ACAN: variants seen among roughly 807,000 people sequenced by gnomAD.
ACAN encodes the protein aggrecan.
A neutral mutation model predicts 169.1 loss-of-function variants in ACAN; 47 were observed. The observed-to-expected ratio is 0.28, with a 90% CI of 0.22 to 0.35. The LOEUF (loss-of-function observed/expected upper bound fraction) is 0.35. Among genes scored for constraint, ACAN ranks in the 10% least tolerant of loss-of-function variants. The pLI is 1.00. For missense variants in ACAN, 2,716 were observed against 2,759.9 expected, an observed-to-expected ratio of 0.98 and a Z score of 0.36; for synonymous variants, 1,115 against 1,112.2, an observed-to-expected ratio of 1.00 and a Z score of -0.05.
At position 88,871,917 on chromosome 15, in the gene ACAN, C is replaced by A; in HGVS notation, c.7220-86C>A. ...AGCCCACCCACCTCCTTTCCTCCTC[C>A]ATCCCCTCTGCCTCCGTGAGCTCAA... On this transcript the variant is annotated intron_variant, in intron 15 of 18. Transcript: ENST00000560601. This position sits in a 1 kb window ranked among gnomAD's most constrained non-coding sequence, Gnocchi z 7.8. 2 of 1,222,000 alleles carry A rather than the reference C, an allele frequency of 1.6e-6. No homozygotes were observed. Among genetic ancestry groups the A allele is most frequent in the South Asian group, 1.2e-5 (1 of 83,090 alleles). The allele number at this position is 1,222,000 out of a possible 1,614,324, so 75.7% of individuals were successfully genotyped here.
Position 88,866,117 on chromosome 15 carries a change from A to C in ACAN, c.6947-2099A>C, listed in dbSNP as rs1462610714. ...GAAAGCAACGCTCCCCCTCACCCCA[A>C]CTTGGGCAGCCTGGGAGCAGGTTTT... On this transcript the variant is annotated intron_variant, in intron 13 of 18. Coordinates refer to ENST00000560601, the MANE Select transcript of ACAN (RefSeq NM_001369268.1). This position sits in a 1 kb window ranked among gnomAD's most constrained non-coding sequence, Gnocchi z 5.6. 6.6e-6 allele frequency among the ~76,000 whole-genome samples: 1 copy of C among 151,880 alleles called. No individual in the cohort carries two copies. The highest frequency in any genetic ancestry group is 1.5e-5 in the Non-Finnish European group (1 of 67,966).
intron 1 of ACAN, among the ~76,000 whole-genome samples, chr15:88,805,456 C>A (rs1357865080): frequency 1.3e-5 from 2 of 152,230 alleles, no homozygotes; most frequent in African/African-American, 2.4e-5. Flanking sequence ...GAAGATATCT[C>A]TTGGAGAGAT....
Position 88,841,786 on chromosome 15 carries a change from G to A in ACAN, c.676G>A (p.Glu226Lys), listed in dbSNP as rs749403999. ...PREGCYGDKDEFPGVRTYGIR... is the reference protein window; with the variant it reads ...PREGCYGDKDKFPGVRTYGIR... ...GGAAGGCTGCTATGGAGACAAGGATGAGTTTCCTGGTGTGAGGACGTATGG... is the reference window on the plus strand; with the variant it reads ...GGAAGGCTGCTATGGAGACAAGGATAAGTTTCCTGGTGTGAGGACGTATGG... Residue 226 changes from glutamate to lysine, a missense_variant, in exon 5 of 19, where the codon GAG (glutamate) becomes AAG (lysine). Physicochemically the swap from Glu to Lys is moderately conservative, Grantham distance 56. Transcript: ENST00000560601. 6.8e-6 allele frequency: 11 copies of A among 1,613,558 alleles called. No individual in the cohort carries two copies. In the East Asian group the frequency reaches 2.2e-4, roughly 33 times the overall value.
rs540020820 is a variant in ACAN at position 88,835,790 on chromosome 15, A to G, written c.-7-410A>G. ...AGACCCTCCCACATTAGGGAGGACCATCTGCTTTATTCAATCTACCAATTC... is the reference window on the plus strand; with the variant it reads ...AGACCCTCCCACATTAGGGAGGACCGTCTGCTTTATTCAATCTACCAATTC... On this transcript the variant is annotated intron_variant, in intron 1 of 18. Transcript: ENST00000560601. Among the ~76,000 whole-genome samples the G allele has an allele frequency of 7.4e-4, 113 of 152,312 alleles. 5 individuals are homozygous for G. The South Asian group carries it at 0.022, about 30-fold the overall frequency.
intron 1 of ACAN, among the ~76,000 whole-genome samples, chr15:88,815,656 TAAAAAAAAAAA>T (rs58267198): frequency 1.8e-5 from 1 of 54,182 alleles, no homozygotes; most frequent in East Asian, 6.3e-4. Context: ...CTGCACTGAT[TAAAAAAAAAAA>T]AAAAAAAAAA....
intron 5 of ACAN, among the ~76,000 whole-genome samples, chr15:88,842,433 C>A (rs966360345): frequency 3.9e-5 from 6 of 152,140 alleles, no homozygotes; most frequent in African/African-American, 1.4e-4. Context: ...GTGGATGACA[C>A]CCTTTCCCCC....
In ACAN at chr15:88,838,377, G is replaced by C. The variant is rs1896558728; in HGVS notation, c.71-286G>C. On this transcript the variant is annotated intron_variant, in intron 2 of 18. Coordinates refer to ENST00000560601, the MANE Select transcript of ACAN (RefSeq NM_001369268.1). This position sits in a 1 kb window ranked among gnomAD's most constrained non-coding sequence, Gnocchi z 5.1. ...GTTTGAGAAACAGGGAGTTGGTCCT[G>C]ACTCTGACGTCTCCCCTCCCTCCTC... 6.6e-6 allele frequency among the ~76,000 whole-genome samples: 1 copy of C among 152,088 alleles called. No homozygotes were observed. Among genetic ancestry groups the C allele is most frequent in the African/African-American group, 2.4e-5 (1 of 41,410 alleles).
Position 88,869,838 on chromosome 15 carries a change from CTCTTTCAGTCTGGAAT to C in ACAN, c.7060+1511_7060+1526del, listed in dbSNP as rs1187289875. 6.6e-6 allele frequency among the ~76,000 whole-genome samples: 1 copy of C among 152,126 alleles called. No homozygotes were observed. Among genetic ancestry groups the C allele is most frequent in the Non-Finnish European group, 1.5e-5 (1 of 68,018 alleles). ...CCTGCCTTGGCTCTGTCCCTGTTACCTCTTTCAGTCTGGAATTGTTTCTGTTTCCTAAGAATCTTCA... is the reference window on the plus strand; with the variant it reads ...CCTGCCTTGGCTCTGTCCCTGTTACCTGTTTCTGTTTCCTAAGAATCTTCA... On this transcript the variant is annotated intron_variant, in intron 14 of 18. Transcript: ENST00000560601. The surrounding 1 kb of genome is among the most constrained non-coding windows in gnomAD (Gnocchi z 4.2).
Position 88,872,957 on chromosome 15 carries a change from A to T in ACAN, c.7379A>T (p.His2460Leu). The change falls in exon 17 of 19, where the codon CAC becomes CTC. Residue 2460 changes from histidine to leucine, a missense_variant. By Grantham distance (99) the His-to-Leu change is moderately conservative. Transcript: ENST00000560601. This position sits in a 1 kb window ranked among gnomAD's most constrained non-coding sequence, Gnocchi z 5.4. ...GAGGACTGTGTGGTGATGATCTGGC[A>T]CGAGAAGGGCGAGTGGAATGATGTT... is the stretch of plus-strand genomic sequence containing the variant. ...AGEDCVVMIW[H>L]EKGEWNDVPC... is the part of the protein sequence containing the mutation. 1 of 1,613,908 alleles carries T rather than the reference A, an allele frequency of 6.2e-7. No homozygotes were observed. The highest frequency in any genetic ancestry group is 8.5e-7 in the Non-Finnish European group (1 of 1,179,906).
chr15:88,825,838 C>T (rs1165760601), intron 1 of ACAN, among the ~76,000 whole-genome samples: 1 of 152,216 alleles, frequency 6.6e-6, no homozygotes, highest in African/African-American at 2.4e-5. Flanking sequence ...GCAGAACCTT[C>T]ACCTAAAAGC....
chr15:88,854,753 T>G, intron 11 of ACAN, 99 bp from the exon 12 acceptor site: 1 of 1,296,884 alleles, frequency 7.7e-7, no homozygotes, highest in Non-Finnish European at 9.9e-7. Flanking sequence ...AGAGAAAAAT[T>G]TTACTGTGGA....
Position 88,873,772 on chromosome 15 carries a change from G to A in ACAN, c.7448-70G>A, listed in dbSNP as rs971824520. The A allele has an allele frequency of 3.0e-5, 45 of 1,521,744 alleles. No individual in the cohort carries two copies. In the African/African-American group the frequency reaches 4.5e-4, roughly 15 times the overall value. The allele number at this position is 1,521,744 out of a possible 1,614,324, so 94.3% of individuals were successfully genotyped here. A position where few individuals can be genotyped will look rare whatever the true frequency, so the allele number is the denominator to read the frequency against. ...GAGGCTGTGTCCCCCACAGTGCCTC[G>A]GGTCACAACCAGCATAGGTCATCCC... On this transcript the variant is annotated intron_variant, in intron 17 of 18. Transcript: ENST00000560601. This position sits in a 1 kb window ranked among gnomAD's most constrained non-coding sequence, Gnocchi z 7.5.
Position 88,874,483 on chromosome 15 carries a change from A to G in ACAN, c.*2A>G. Reference sequence around the variant, plus strand: ...AGCCGCCCCAGCACAGCCCACTGAGAAGAGCTTCCAGGACGCACCCAGGAC... The same window carrying G: ...AGCCGCCCCAGCACAGCCCACTGAGGAGAGCTTCCAGGACGCACCCAGGAC... On this transcript the variant is annotated 3_prime_UTR_variant, in exon 19 of 19. Coordinates refer to ENST00000560601, the MANE Select transcript of ACAN (RefSeq NM_001369268.1). This position sits in a 1 kb window ranked among gnomAD's most constrained non-coding sequence, Gnocchi z 7.3. 6.3e-7 allele frequency: 1 copy of G among 1,597,932 alleles called. No homozygotes were observed. The highest frequency in any genetic ancestry group is 8.5e-7 in the Non-Finnish European group (1 of 1,172,704).
Position 88,874,439 on chromosome 15 carries a change from C to T in ACAN, c.7665C>T (p.Ser2555=). The T allele has an allele frequency of 6.2e-7, 1 of 1,607,676 alleles. No homozygotes were observed. The highest frequency in any genetic ancestry group is 8.5e-7 in the Non-Finnish European group (1 of 1,177,460). The change falls in exon 19 of 19, where the codon AGC becomes AGT. Residue 2555 remains serine, a synonymous_variant. Transcript: ENST00000560601. The surrounding 1 kb of genome is among the most constrained non-coding windows in gnomAD (Gnocchi z 7.3). The part of the protein sequence containing the change: ...TTYKRRLQKR[S]SRHPRRSRPS... ...ACAAACGCAGACTACAGAAGCGGAGCTCACGGCACCCTCGGAGGAGCCGCC... is the reference window on the plus strand; with the variant it reads ...ACAAACGCAGACTACAGAAGCGGAGTTCACGGCACCCTCGGAGGAGCCGCC...
chr15:88,823,223 C>G (rs1473569836), intron 1 of ACAN, among the ~76,000 whole-genome samples: 1 of 152,198 alleles, frequency 6.6e-6, no homozygotes, highest in African/African-American at 2.4e-5. Flanking sequence ...GCCCAAGATC[C>G]CTGCCCAGGA....
At chr15:88,833,009 TAGGCGTCCACCC>T (rs927665157) in intron 1 of ACAN, among the ~76,000 whole-genome samples, 3 of 152,200 alleles carry the variant, frequency 2.0e-5, no homozygotes, top group African/African-American at 7.2e-5. Context: ...TATTAAGCAG[TAGGCGTCCACCC>T]ACGTCGAGGA....
rs1452519496 is a variant in ACAN, at chr15:88,868,167, G to A, written c.6947-49G>A. 4.3e-6 allele frequency: 3 copies of A among 690,562 alleles called. No individual in the cohort carries two copies. Among genetic ancestry groups the A allele is most frequent in the Non-Finnish European group, 7.9e-6 (3 of 378,468 alleles). 42.8% of individuals were successfully genotyped at this position (690,562 alleles called of 1,614,324 possible). Reference sequence around the variant, plus strand: ...AAAAGGAGGCCACAGTGCTTGTGAGGCTGGAGTTGCCGGCAGGAGTCCTAA... The same window carrying A: ...AAAAGGAGGCCACAGTGCTTGTGAGACTGGAGTTGCCGGCAGGAGTCCTAA... On this transcript the variant is annotated intron_variant, in intron 13 of 18. Coordinates refer to ENST00000560601, the MANE Select transcript of ACAN (RefSeq NM_001369268.1). The surrounding 1 kb of genome is among the most constrained non-coding windows in gnomAD (Gnocchi z 5.2).
Position 88,859,328 on chromosome 15 carries a change from C to A in ACAN, c.6743C>A (p.Thr2248Asn). 6.2e-7 allele frequency: 1 copy of A among 1,607,252 alleles called. No homozygotes were observed. Among genetic ancestry groups the A allele is most frequent in the Non-Finnish European group, 8.5e-7 (1 of 1,176,726 alleles). Residue 2248 changes from threonine to asparagine, a missense_variant, in exon 12 of 19, where the codon ACT becomes AAT. Physicochemically the swap from Thr to Asn is moderately conservative, Grantham distance 65. Around this residue, in one of 3 missense-constraint regions of ACAN, gnomAD observed 1,389 missense variants for 1,363.7 expected, o/e 1.02. Coordinates refer to ENST00000560601, the MANE Select transcript of ACAN (RefSeq NM_001369268.1). ...SSSLLYSGEE[T>N]HTVETATSPT... ...AGCCTCCTGTACTCAGGAGAAGAGA[C>A]TCACACAGTCGAAACAGCCACCTCC...
intron 1 of ACAN, among the ~76,000 whole-genome samples, chr15:88,826,873 G>A (rs908483962): frequency 2.0e-5 from 3 of 152,150 alleles, no homozygotes; most frequent in Non-Finnish European, 1.5e-5. Context: ...GCTAATGAGC[G>A]TAAAGGGACT....
Sources: allele counts gnomAD v4.1 joint callset (sites outside exome capture counted in the v4.1 genomes callset), GRCh38; gene constraint gnomAD v4.1.1; regional missense constraint gnomAD v4.1.1; non-coding constraint Gnocchi (gnomAD v3.1); transcripts MANE v1.5; gene names NCBI Gene and HGNC (gene_info 2026-07-23, HGNC 2026-07-21).